The following CUBN variants were observed in gnomAD, a reference collection of about 807,000 sequenced individuals.
CUBN encodes cubilin, also known as 460 kDa receptor.
Under a neutral mutation model 405.3 loss-of-function variants are expected in CUBN, and 282 were observed. The ratio of observed to expected loss-of-function variants is 0.70; its 90% CI spans 0.63 to 0.77. The LOEUF (loss-of-function observed/expected upper bound fraction) is 0.77. Ranked by LOEUF, CUBN falls within the 30% of genes least tolerant of loss-of-function variation. CUBN has a pLI of 0.00. For missense variants in CUBN, 4,514 were observed against 4,475.2 expected (o/e 1.01, Z -0.25); for synonymous variants, 1,684 against 1,617.0 (o/e 1.04, Z -0.99).
intron 64 of CUBN, among the ~76,000 whole-genome samples, chr10:16,834,618 A>G (rs1839113545): frequency 6.6e-6 from 1 of 152,126 alleles, no homozygotes; most frequent in Non-Finnish European, 1.5e-5. Context: ...ATTGAGCTTC[A>G]TTTTACAGAA....
intron 28 of CUBN, among the ~76,000 whole-genome samples, chr10:17,008,468 G>A (rs1027728050): frequency 2.7e-5 from 4 of 147,174 alleles, no homozygotes; most frequent in Admixed American, 6.8e-5. Context: ...GTGTGTGCGC[G>A]CTTAGCCACA....
intron 47 of CUBN, 61 bp downstream of exon 47, chr10:16,914,971 T>G: frequency 7.2e-7 from 1 of 1,386,604 alleles, no homozygotes; most frequent in South Asian, 1.2e-5. Flanking sequence ...CACTGGTGCC[T>G]AGCATAGTGT....
At chr10:16,883,493 G>A (rs1191381689) in intron 56 of CUBN, among the ~76,000 whole-genome samples, 1 of 152,098 alleles carries the variant, frequency 6.6e-6, no homozygotes, top group Admixed American at 6.5e-5. Context: ...GCAAAGAGAA[G>A]AAACAGCAGT....
intron 27 of CUBN, among the ~76,000 whole-genome samples, chr10:17,025,243 T>C (rs185077360): frequency 6.6e-6 from 1 of 152,312 alleles, no homozygotes; most frequent in Admixed American, 6.5e-5. Flanking sequence ...TTGAGAACTA[T>C]ACTCAATCAG....
chr10:16,870,964 T>A (rs1840334161), intron 58 of CUBN, among the ~76,000 whole-genome samples: 2 of 152,208 alleles, frequency 1.3e-5, no homozygotes, highest in Non-Finnish European at 2.9e-5. Flanking sequence ...TTATAGCTTA[T>A]TTTTAAAACT....
chr10:17,104,386 G>A (rs929270326), intron 12 of CUBN, 33 bp downstream of exon 12: 2 of 1,601,486 alleles, frequency 1.2e-6, no homozygotes, highest in Non-Finnish European at 1.7e-6. Flanking sequence ...GCTATGCTGT[G>A]AGCATCCGTG....
intron 31 of CUBN, 152 bp from the exon 32 acceptor site, chr10:16,954,700 A>C: frequency 2.4e-6 from 2 of 839,682 alleles, no homozygotes; most frequent in Admixed American, 4.1e-5. Context: ...TCACAGCTGT[A>C]ACAAGTCTTT....
At chr10:17,117,678 C>A (rs925571693) in intron 6 of CUBN, among the ~76,000 whole-genome samples, 2 of 152,190 alleles carry the variant, frequency 1.3e-5, no homozygotes, top group African/African-American at 4.8e-5. Flanking sequence ...GATCTGCCCA[C>A]CTCGGCCTCC....
chr10:17,110,397 A>T (rs754298228), intron 9 of CUBN, among the ~76,000 whole-genome samples: 11 of 152,152 alleles, frequency 7.2e-5, no homozygotes, highest in Non-Finnish European at 1.3e-4. Context: ...ACAGTTTGTA[A>T]AGTTTGTTGT....
intron 66 of CUBN, among the ~76,000 whole-genome samples, 165 bp downstream of exon 66, chr10:16,828,640 C>T (rs1339960997): frequency 2.0e-5 from 3 of 151,986 alleles, no homozygotes; most frequent in Non-Finnish European, 4.4e-5. Context: ...ATTGCTTGAA[C>T]CCAGGAGGCG....
Position 16,925,247 on chromosome 10 carries a change from T to C in CUBN, c.6640A>G (p.Ser2214Gly). ...QGFKIKYEAKSLACGGNVYIH... is the reference protein window; with the variant it reads ...QGFKIKYEAKGLACGGNVYIH... ...TCTCAGTGAAAATACTTACCTAAAC[T>C]CTTTGCCTCATATTTGATTTTAAAT... Residue 2214 changes from serine (S) to glycine (G), a missense_variant, in exon 43 of 67, where the codon AGT becomes GGT. Physicochemically the swap from Ser to Gly is moderately conservative, Grantham distance 56. Around this residue, in one of 5 missense-constraint regions of CUBN, gnomAD observed 1,613 missense variants for 1,542.8 expected, o/e 1.05. Transcript: ENST00000377833. 1 of 1,611,020 alleles carries C rather than the reference T, an allele frequency of 6.2e-7. No homozygotes were observed.
intron 31 of CUBN, among the ~76,000 whole-genome samples, chr10:16,968,342 C>G (rs912827910): frequency 1.3e-5 from 2 of 151,476 alleles, no homozygotes; most frequent in Non-Finnish European, 2.9e-5. Context: ...TTTTCCGGAT[C>G]ACATCAGACA....
chr10:16,827,905 T>G (rs1838836225), intron 66 of CUBN, among the ~76,000 whole-genome samples: 1 of 152,178 alleles, frequency 6.6e-6, no homozygotes, highest in African/African-American at 2.4e-5. Flanking sequence ...TCTTTAAGTA[T>G]CTACTTGCAC....
intron 31 of CUBN, among the ~76,000 whole-genome samples, chr10:16,961,859 C>T (rs1253249012): frequency 4.0e-5 from 6 of 151,688 alleles, no homozygotes; most frequent in Non-Finnish European, 7.4e-5. Context: ...CTACAGGCGC[C>T]CGCCACTACG....
Position 17,104,409 on chromosome 10 carries a change from C to A in CUBN, c.1417+10G>T. On this transcript the variant is annotated intron_variant, in intron 12 of 66. Transcript: ENST00000377833. ...GTGAGCATCCGTGGCATAAGAAATG[C>A]TGACTGTACCTTGCTGAGGAACCTG... is the stretch of plus-strand genomic sequence containing the variant. The A allele has an allele frequency of 6.2e-7, 1 of 1,613,714 alleles. No homozygotes were observed. The highest frequency in any genetic ancestry group is 8.5e-7 in the Non-Finnish European group (1 of 1,179,680).
intron 20 of CUBN, 31 bp downstream of exon 20, chr10:17,068,574 G>T: frequency 6.4e-7 from 1 of 1,560,986 alleles, no homozygotes; most frequent in Non-Finnish European, 8.8e-7. Context: ...AAGCCCAAGA[G>T]GAGGAAAAAA....
chr10:16,934,970 C>T (rs937464699), intron 39 of CUBN, among the ~76,000 whole-genome samples: 2 of 152,196 alleles, frequency 1.3e-5, no homozygotes, highest in Non-Finnish European at 2.9e-5. Flanking sequence ...CTGACTGACA[C>T]ACTGACTGCT....
chr10:16,972,090 C>T (rs1347657789), intron 31 of CUBN, among the ~76,000 whole-genome samples: 1 of 152,140 alleles, frequency 6.6e-6, no homozygotes, highest in Non-Finnish European at 1.5e-5. Flanking sequence ...CAGCTTCCCT[C>T]GTGGTTTGAA....
In CUBN at chr10:17,099,865, G is replaced by GAATAA. The variant is rs1004810229; in HGVS notation, c.1765+135_1765+139dup. On this transcript the variant is annotated intron_variant, in intron 14 of 66. Transcript: ENST00000377833. Reference sequence around the variant, plus strand: ...AGACCTTGTCTCAAAATAAATAAATGAATAAAATAAAATAAATTATAAAAA... The same window carrying GAATAA: ...AGACCTTGTCTCAAAATAAATAAATGAATAAAATAAAATAAAATAAATTATAAAAA... 2.9e-5 allele frequency: 9 copies of GAATAA among 312,324 alleles called. No homozygotes were observed. In the East Asian group the frequency reaches 6.5e-4, roughly 22 times the overall value. The allele number at this position is 312,324 out of a possible 1,614,324, so 19.3% of individuals were successfully genotyped here.
Sources: allele counts gnomAD v4.1 joint callset (sites outside exome capture counted in the v4.1 genomes callset), GRCh38; gene constraint gnomAD v4.1.1; regional missense constraint gnomAD v4.1.1; transcripts MANE v1.5; gene names NCBI Gene and HGNC (gene_info 2026-07-23, HGNC 2026-07-21).